ZBBX: variants seen among roughly 807,000 people sequenced by gnomAD.
ZBBX encodes the protein zinc finger B-box domain containing, also known as zinc finger B-box domain-containing protein 1.
In ZBBX, 101 loss-of-function variants were observed where a neutral mutation model predicts 108.5. That is an observed-to-expected ratio of 0.93 (90% CI 0.79 to 1.10). The LOEUF (loss-of-function observed/expected upper bound fraction) is 1.10. Ranked by LOEUF, ZBBX falls within the 50% of genes least tolerant of loss-of-function variation. The probability of loss-of-function intolerance (pLI) is 0.00; values close to 1 mark genes in which losing one functional copy is unlikely to be tolerated. For synonymous variants in ZBBX, 356 were observed against 323.4 expected, an observed-to-expected ratio of 1.10 and a Z score of -1.08; for missense variants, 1,009 against 941.4, an observed-to-expected ratio of 1.07 and a Z score of -0.94.
chr3:167,372,869 C>G lies in ZBBX; in HGVS notation c.33G>C (p.Trp11Cys). 6.3e-7 allele frequency: 1 copy of G among 1,599,308 alleles called. No homozygotes were observed. The highest frequency in any genetic ancestry group is 8.5e-7 in the Non-Finnish European group (1 of 1,171,774). The change falls in exon 4 of 22, where the codon TGG (tryptophan) becomes TGC (cysteine). Residue 11 changes from tryptophan to cysteine, a missense_variant. Trp to Cys is a radical substitution (Grantham distance 215). Transcript: ENST00000675490. ...GCTTTACAGAATTTCCAGGTTTTCC[C>G]CATGGAAGAACTACAAAATCTTTTC... The part of the protein sequence containing the change: MNRKDFVVLP[W>C]GKPGNSVKLK...
chr3:167,315,756 T>C lies in ZBBX; in HGVS notation c.1268A>G (p.Gln423Arg). The change falls in exon 15 of 22, where the codon CAA becomes CGA. Residue 423 changes from glutamine (Q) to arginine (R), a missense_variant. By Grantham distance (43) the Gln-to-Arg change is conservative. Transcript: ENST00000675490. ...TTAATTAGAAAGGTTTTACCTTCGT[T>C]GACTGTCTGCATCAGCTAATTTAAC... Reference protein sequence around the residue: ...YKVKLADADSQRSCAFHDCQK... With the variant: ...YKVKLADADSRRSCAFHDCQK... 1 of 1,607,116 alleles carries C rather than the reference T, an allele frequency of 6.2e-7. No homozygotes were observed. Among genetic ancestry groups the C allele is most frequent in the Non-Finnish European group, 8.5e-7 (1 of 1,175,956 alleles).
intron 8 of ZBBX, among the ~76,000 whole-genome samples, chr3:167,357,955 T>C (rs1252172003): frequency 6.6e-6 from 1 of 151,996 alleles, no homozygotes; most frequent in Non-Finnish European, 1.5e-5. Flanking sequence ...ATATTCTCAC[T>C]CATAGGTGGG....
upstream of ZBBX, among the ~76,000 whole-genome samples, chr3:167,382,307 G>A (rs1747781325): frequency 6.6e-6 from 1 of 152,134 alleles, no homozygotes; most frequent in African/African-American, 2.4e-5. Context: ...GATGATTAGT[G>A]ACAAAATGAA....
chr3:167,341,923 T>C (rs1254059419), intron 9 of ZBBX, among the ~76,000 whole-genome samples: 2 of 151,842 alleles, frequency 1.3e-5, no homozygotes, highest in Non-Finnish European at 2.9e-5. Context: ...ATTAGATAAT[T>C]CGTATCCCAT....
intron 9 of ZBBX, among the ~76,000 whole-genome samples, chr3:167,336,321 A>C (rs984484152): frequency 1.1e-4 from 17 of 152,244 alleles, no homozygotes; most frequent in Non-Finnish European, 1.8e-4. Flanking sequence ...ATAAAATAGA[A>C]TTCCATATTT....
At chr3:167,190,538 G>A in the ZBBX span, among the ~76,000 whole-genome samples, 2 of 151,834 alleles carry the variant, frequency 1.3e-5, no homozygotes, top group South Asian at 2.1e-4. Flanking sequence ...CTGCCACCAC[G>A]CCCGGCTAAT....
At chr3:167,188,591 G>T in the ZBBX span, among the ~76,000 whole-genome samples, 2 of 152,192 alleles carry the variant, frequency 1.3e-5, no homozygotes. Flanking sequence ...CTGAGAGTGA[G>T]ACACACATCT....
chr3:167,314,019 G>T lies in ZBBX; in HGVS notation c.1372C>A (p.Leu458Ile), dbSNP rs915547012. ...FDKGKRDFLN[L>I]CLRNSSTYYK... Reference sequence around the variant, plus strand: ...TAAGTAGAGCTGTTTCTCAGACAAAGATTTAAGAAGTCTCTCTTTCCCTTA... The same window carrying T: ...TAAGTAGAGCTGTTTCTCAGACAAATATTTAAGAAGTCTCTCTTTCCCTTA... The change falls in exon 16 of 22, where the codon CTT becomes ATT. Residue 458 changes from leucine (L) to isoleucine (I), a missense_variant. Coordinates refer to ENST00000675490, the MANE Select transcript of ZBBX (RefSeq NM_001199201.2). The T allele has an allele frequency of 1.9e-6, 3 of 1,605,268 alleles. No individual in the cohort carries two copies. The highest frequency in any genetic ancestry group is 2.2e-5 in the East Asian group (1 of 44,474).
the ZBBX span, among the ~76,000 whole-genome samples, chr3:167,194,260 A>AT: frequency 2.0e-5 from 3 of 149,886 alleles, no homozygotes; most frequent in African/African-American, 7.4e-5. Context: ...ATGTATATTC[A>AT]TTTTTAAAAC....
chr3:167,269,530 G>A (rs1224562807), intron 20 of ZBBX, among the ~76,000 whole-genome samples: 1 of 152,128 alleles, frequency 6.6e-6, no homozygotes, highest in African/African-American at 2.4e-5. Context: ...GGAAACCAAG[G>A]AAAACTTCAG....
the ZBBX span, among the ~76,000 whole-genome samples, chr3:167,178,504 G>A: frequency 3.7e-4 from 57 of 152,232 alleles, 1 homozygote; most frequent in African/African-American, 1.2e-3. Flanking sequence ...GGTGTTGCTC[G>A]TGACAGTTGG....
chr3:167,351,286 A>G (rs1241974487), intron 8 of ZBBX, among the ~76,000 whole-genome samples: 1 of 152,132 alleles, frequency 6.6e-6, no homozygotes, highest in Non-Finnish European at 1.5e-5. Context: ...CAAAACTGAA[A>G]CTAAAGAGAA....
chr3:167,258,393 G>A (rs1723889424), intron 20 of ZBBX, among the ~76,000 whole-genome samples: 1 of 152,124 alleles, frequency 6.6e-6, no homozygotes, highest in Non-Finnish European at 1.5e-5. Context: ...TGAGGATCTA[G>A]TTTTATTCTC....
At chr3:167,254,265 G>T (rs985832974) in intron 20 of ZBBX, among the ~76,000 whole-genome samples, 1 of 152,044 alleles carries the variant, frequency 6.6e-6, no homozygotes, top group African/African-American at 2.4e-5. Context: ...ACAAAAGGAG[G>T]GTGTGTATGT....
chr3:167,193,307 G>C, the ZBBX span, among the ~76,000 whole-genome samples: 3 of 152,158 alleles, frequency 2.0e-5, no homozygotes, highest in Non-Finnish European at 4.4e-5. Flanking sequence ...GTGTGGGAAG[G>C]CTGTGTGGTA....
intron 20 of ZBBX, among the ~76,000 whole-genome samples, chr3:167,253,829 A>T (rs1324004564): frequency 6.6e-6 from 1 of 152,204 alleles, no homozygotes; most frequent in East Asian, 1.9e-4. Context: ...TGAAAAAAAT[A>T]AAAAACATAA....
rs1289255755 is a variant in ZBBX, at chr3:167,315,739, A to C, written c.1274+11T>G. The C allele has an allele frequency of 6.3e-7, 1 of 1,595,720 alleles. No homozygotes were observed. The highest frequency in any genetic ancestry group is 1.1e-5 in the South Asian group (1 of 88,488). Reference sequence around the variant, plus strand: ...TCAATATGCACACAAAGTTAATTAGAAAGGTTTTACCTTCGTTGACTGTCT... The same window carrying C: ...TCAATATGCACACAAAGTTAATTAGCAAGGTTTTACCTTCGTTGACTGTCT... On this transcript the variant is annotated intron_variant, in intron 15 of 21. Coordinates refer to ENST00000675490, the MANE Select transcript of ZBBX (RefSeq NM_001199201.2).
intron 20 of ZBBX, among the ~76,000 whole-genome samples, chr3:167,264,469 A>G (rs1725137258): frequency 6.6e-6 from 1 of 152,260 alleles, no homozygotes; most frequent in Admixed American, 6.5e-5. Flanking sequence ...TTACATAAAC[A>G]AAGAAATGCA....
In ZBBX at chr3:167,305,827, TC is replaced by T; in HGVS notation, c.1540del (p.Glu514LysfsTer20). The T allele has an allele frequency of 6.2e-7, 1 of 1,612,208 alleles. No homozygotes were observed. The highest frequency in any genetic ancestry group is 8.5e-7 in the Non-Finnish European group (1 of 1,179,156). On this transcript the variant is annotated frameshift_variant, in exon 17 of 22. Transcript: ENST00000675490. LOFTEE classifies it high-confidence loss of function. ...GGAATCATCAGACTTTTGATTACTT[TC>T]TAAACCTATATTTTTCTCCTTTAAA... ...RNLKEKNIGL[E>X]SNQKSDDSCV...
Sources: gnomAD v4.1 joint callset for allele counts (sites outside exome capture counted in the v4.1 genomes callset) on GRCh38, gnomAD v4.1.1 for gene constraint, MANE v1.5 for transcripts, NCBI Gene and HGNC (gene_info 2026-07-23, HGNC 2026-07-21) for gene names.